HSD17B3: variants seen among roughly 807,000 people sequenced by gnomAD.
HSD17B3 encodes hydroxysteroid 17-beta dehydrogenase 3, also known as 17-beta-hydroxysteroid dehydrogenase type 3.
Under a neutral mutation model 41.1 loss-of-function variants are expected in HSD17B3, and 29 were observed. The observed-to-expected ratio is 0.71, with a 90% CI of 0.53 to 0.96. The LOEUF (loss-of-function observed/expected upper bound fraction) is 0.96, where lower values mean the gene tolerates loss of function less well. Among genes scored for constraint, HSD17B3 ranks in the 40% least tolerant of loss-of-function variants. The pLI, the probability that HSD17B3 is intolerant of heterozygous loss-of-function variation, is 0.00. For missense variants in HSD17B3, 323 were observed against 374.6 expected (o/e 0.86, Z 1.14); for synonymous variants, 126 against 145.6 (o/e 0.87, Z 0.97).
chr9:96,293,125 C>G (rs1210692714), intron 2 of HSD17B3, among the ~76,000 whole-genome samples: 1 of 152,164 alleles, frequency 6.6e-6, no homozygotes, highest in East Asian at 1.9e-4. Context: ...AGAGAAAATA[C>G]TGGTAAATAC....
At chr9:96,268,815 G>T (rs555039073) in intron 2 of HSD17B3, among the ~76,000 whole-genome samples, 1 of 152,236 alleles carries the variant, frequency 6.6e-6, no homozygotes, top group South Asian at 2.1e-4. Context: ...TGCACGTGGT[G>T]GTGCACCCCT....
rs1204158855 is a variant in HSD17B3 at position 96,254,862 on chromosome 9, A to T, written c.277+6T>A. 1 of 1,612,754 alleles carries T rather than the reference A, an allele frequency of 6.2e-7. No homozygotes were observed. Among genetic ancestry groups the T allele is most frequent in the Admixed American group, 1.7e-5 (1 of 59,960 alleles). On this transcript the variant is annotated splice_donor_region_variant and intron_variant, in intron 3 of 10. Transcript: ENST00000375263. ...ACACATCTCCCTTATTTGGGGGGTC[A>T]CTCACCGATCTCTGTGGCAATGGCC...
intron 2 of HSD17B3, among the ~76,000 whole-genome samples, chr9:96,286,451 G>A (rs1826922947): frequency 6.6e-6 from 1 of 152,188 alleles, no homozygotes; most frequent in African/African-American, 2.4e-5. Flanking sequence ...CACATTGGGA[G>A]GCCAAGACAG....
At chr9:96,241,156 A>T (rs1836426061) in intron 9 of HSD17B3, among the ~76,000 whole-genome samples, 1 of 152,192 alleles carries the variant, frequency 6.6e-6, no homozygotes, top group African/African-American at 2.4e-5. Flanking sequence ...CACAGTGTGA[A>T]TGGGAAGAAC....
intron 1 of HSD17B3, among the ~76,000 whole-genome samples, chr9:96,300,258 A>G (rs1827541933): frequency 6.7e-6 from 1 of 150,368 alleles, no homozygotes; most frequent in African/African-American, 2.5e-5. Flanking sequence ...ACACACGCAC[A>G]CAGCAAATAT....
chr9:96,291,148 T>C (rs367679442), intron 2 of HSD17B3, among the ~76,000 whole-genome samples: 1 of 151,886 alleles, frequency 6.6e-6, no homozygotes, highest in East Asian at 1.9e-4. Context: ...AAGGCACCTC[T>C]TCCCCTCTTT....
rs2130726943 is a variant in HSD17B3 at position 96,251,142 on chromosome 9, G to GTGCA, written c.453+272_453+275dup. 4 of 523,530 alleles carry GTGCA rather than the reference G, an allele frequency of 7.6e-6. No individual in the cohort carries two copies. The South Asian group carries it at 7.9e-5, about 10-fold the overall frequency. The allele number at this position is 523,530 out of a possible 1,614,324, so 32.4% of individuals were successfully genotyped here. Reference sequence around the variant, plus strand: ...GCAGAATTACCCTTTATAAAGTAGAGTGCAGCACCCCAGAAGCATAGGACA... The same window carrying GTGCA: ...GCAGAATTACCCTTTATAAAGTAGAGTGCATGCAGCACCCCAGAAGCATAGGACA... On this transcript the variant is annotated intron_variant, in intron 5 of 10. Transcript: ENST00000375263.
chr9:96,270,941 C>G (rs1170764705), intron 2 of HSD17B3, among the ~76,000 whole-genome samples: 1 of 96,950 alleles, frequency 1.0e-5, no homozygotes, highest in East Asian at 3.0e-4. Context: ...GAGAAGATCT[C>G]TCAAATCCTC....
chr9:96,272,424 T>TATATATATATATATATATATATAAA (rs1331534257), intron 2 of HSD17B3, among the ~76,000 whole-genome samples: 8 of 90,000 alleles, frequency 8.9e-5, no homozygotes, highest in African/African-American at 3.1e-4. Context: ...TATATATATA[T>TATATATATATATATATATATATAAA]ATATATATAT....
chr9:96,249,823 GA>G (rs1836823082), intron 5 of HSD17B3, 37 bp from the exon 6 acceptor site: 31 of 1,613,660 alleles, frequency 1.9e-5, no homozygotes, highest in Non-Finnish European at 2.6e-5. Flanking sequence ...TCAGCCGGAT[GA>G]TTAGAGAAAT....
chr9:96,286,615 A>T (rs918242559), intron 2 of HSD17B3, among the ~76,000 whole-genome samples: 1 of 151,134 alleles, frequency 6.6e-6, no homozygotes, highest in Non-Finnish European at 1.5e-5. Context: ...GCTTGAACCC[A>T]GGAGGCAGAG....
rs201115371 is a variant in HSD17B3 at position 96,254,864 on chromosome 9, T to A, written c.277+4A>T. ...ACATCTCCCTTATTTGGGGGGTCAC[T>A]CACCGATCTCTGTGGCAATGGCCTC... is the stretch of plus-strand genomic sequence containing the variant. On this transcript the variant is annotated splice_donor_region_variant and intron_variant, in intron 3 of 10. Transcript: ENST00000375263. 988 of 1,613,158 alleles carry A rather than the reference T, an allele frequency of 6.1e-4. 1 individual carries two copies. Among genetic ancestry groups the A allele is most frequent in the Non-Finnish European group, 8.1e-4 (958 of 1,179,308 alleles).
In HSD17B3 at chr9:96,254,868, C is replaced by T. The variant is rs753360928; in HGVS notation, c.277G>A (p.Glu93Lys). The change falls in exon 3 of 11, where the codon GAG becomes AAG. Residue 93 changes from glutamate (E) to lysine (K), a missense_variant and splice_region_variant. Glu to Lys is a moderately conservative substitution (Grantham distance 56). Coordinates refer to ENST00000375263, the MANE Select transcript of HSD17B3 (RefSeq NM_000197.2). Reference protein sequence around the residue: ...EKLEAIATEIERTTGRSVKII... With the variant: ...EKLEAIATEIKRTTGRSVKII... ...CTCCCTTATTTGGGGGGTCACTCAC[C>T]GATCTCTGTGGCAATGGCCTCTAGT... 5.6e-6 allele frequency: 9 copies of T among 1,613,470 alleles called. No homozygotes were observed. Among genetic ancestry groups the T allele is most frequent in the East Asian group, 2.2e-5 (1 of 44,874 alleles).
At chr9:96,256,031 T>C (rs1319500345) in intron 2 of HSD17B3, among the ~76,000 whole-genome samples, 2 of 152,202 alleles carry the variant, frequency 1.3e-5, no homozygotes, top group African/African-American at 4.8e-5. Context: ...TGAGAAAAGT[T>C]AGAGTTTTTC....
intron 2 of HSD17B3, 141 bp downstream of exon 2, chr9:96,298,273 GTT>G: frequency 1.3e-6 from 1 of 760,888 alleles, no homozygotes; most frequent in Non-Finnish European, 2.4e-6. Flanking sequence ...TATTATTTTT[GTT>G]TGCTTTTCCA....
At chr9:96,273,278 T>A (rs1312870135) in intron 2 of HSD17B3, among the ~76,000 whole-genome samples, 1 of 152,208 alleles carries the variant, frequency 6.6e-6, no homozygotes, top group African/African-American at 2.4e-5. Flanking sequence ...TTAACATTTA[T>A]CCACCAATAA....
chr9:96,265,224 G>T (rs558647303), intron 2 of HSD17B3, among the ~76,000 whole-genome samples: 26 of 152,278 alleles, frequency 1.7e-4, no homozygotes, highest in African/African-American at 6.3e-4. Context: ...ATGGTCAATA[G>T]CCCTTAGAAA....
intron 2 of HSD17B3, among the ~76,000 whole-genome samples, chr9:96,291,974 AG>A (rs1426906490): frequency 2.6e-5 from 4 of 152,122 alleles, no homozygotes; most frequent in African/African-American, 9.7e-5. Flanking sequence ...GAAAAAAAAA[AG>A]TTCAATAAAC....
At chr9:96,244,882 C>T (rs1009521021) in intron 8 of HSD17B3, among the ~76,000 whole-genome samples, 3 of 151,964 alleles carry the variant, frequency 2.0e-5, no homozygotes, top group African/African-American at 7.3e-5. Context: ...GCACTTCATC[C>T]CCCGGTCTGG....
Sources: gnomAD v4.1 joint callset for allele counts (sites outside exome capture counted in the v4.1 genomes callset) on GRCh38, gnomAD v4.1.1 for gene constraint, MANE v1.5 for transcripts, NCBI Gene and HGNC (gene_info 2026-07-23, HGNC 2026-07-21) for gene names.